EPHA4: variants seen among roughly 807,000 people sequenced by gnomAD.
EPHA4 encodes the protein ephrin type-A receptor 4.
Under a neutral mutation model 108.3 loss-of-function variants are expected in EPHA4, and 19 were observed. That is an observed-to-expected ratio of 0.18 (90% CI 0.12 to 0.26). EPHA4 has a LOEUF of 0.26. EPHA4 is among the 10% of genes least tolerant of loss of function. EPHA4 has a pLI of 1.00. For missense variants in EPHA4, 917 were observed against 1,254.0 expected (o/e 0.73, Z 4.06); for synonymous variants, 449 against 455.5 (o/e 0.99, Z 0.18).
intron 1 of EPHA4, among the ~76,000 whole-genome samples, chr2:221,570,912 T>G (rs893664303): frequency 1.3e-5 from 2 of 151,114 alleles, no homozygotes; most frequent in Non-Finnish European, 1.5e-5. Flanking sequence ...GATGGATAGA[T>G]AGACGGATGG....
intron 4 of EPHA4, among the ~76,000 whole-genome samples, chr2:221,500,270 TGAGG>T (rs940371579): frequency 2.0e-5 from 3 of 152,136 alleles, no homozygotes; most frequent in African/African-American, 7.2e-5. Flanking sequence ...ACCTGAGCCA[TGAGG>T]CTAGCCCTCC....
chr2:221,495,901 G>A (rs539706649), intron 4 of EPHA4, among the ~76,000 whole-genome samples: 4 of 152,224 alleles, frequency 2.6e-5, no homozygotes, highest in Admixed American at 6.5e-5. Flanking sequence ...CACAGTGAGC[G>A]ATCACTAAAT....
chr2:221,508,974 A>T (rs940879820), intron 3 of EPHA4, among the ~76,000 whole-genome samples: 18 of 152,124 alleles, frequency 1.2e-4, no homozygotes, highest in Admixed American at 1.0e-3. Flanking sequence ...TTTATTTGAT[A>T]CTCTTCTGTT....
At chr2:221,475,358 AT>A (rs1273885860) in intron 5 of EPHA4, among the ~76,000 whole-genome samples, 1 of 152,316 alleles carries the variant, frequency 6.6e-6, no homozygotes, top group Non-Finnish European at 1.5e-5. Flanking sequence ...TGAAATCCTA[AT>A]TATTTTAGTT....
chr2:221,438,132 A>G (rs1690303551), intron 11 of EPHA4, among the ~76,000 whole-genome samples: 1 of 152,178 alleles, frequency 6.6e-6, no homozygotes, highest in Non-Finnish European at 1.5e-5. Context: ...TGAGACAGGA[A>G]TTTAAATTCA....
At chr2:221,445,981 AG>A (rs1443355926) in intron 9 of EPHA4, 141 bp downstream of exon 9, 5 of 375,538 alleles carry the variant, frequency 1.3e-5, no homozygotes, top group African/African-American at 2.1e-5. Flanking sequence ...TTTGATACCT[AG>A]GAAGTACATT....
intron 3 of EPHA4, among the ~76,000 whole-genome samples, chr2:221,552,905 T>A (rs1694202366): frequency 6.6e-6 from 1 of 152,198 alleles, no homozygotes; most frequent in Non-Finnish European, 1.5e-5. Context: ...AAGGCTGATA[T>A]AATTAAACTG....
At chr2:221,507,944 A>G (rs1692682142) in intron 3 of EPHA4, among the ~76,000 whole-genome samples, 1 of 152,206 alleles carries the variant, frequency 6.6e-6, no homozygotes, top group African/African-American at 2.4e-5. Context: ...AATGACCTTA[A>G]CAAAGGACTT....
rs1047725477 is a variant in EPHA4, at chr2:221,572,000, C to G, written c.91+158G>C. 6.6e-6 allele frequency among the ~76,000 whole-genome samples: 1 copy of G among 152,158 alleles called. No individual in the cohort carries two copies. Among genetic ancestry groups the G allele is most frequent in the African/African-American group, 2.4e-5 (1 of 41,444 alleles). ...GCTGTCCGGCGGTTCCCCGCTGCCC[C>G]TTCGCCGATCCCCTCGCCTCAGCCC... On this transcript the variant is annotated intron_variant, in intron 1 of 17. Coordinates refer to ENST00000281821, the MANE Select transcript of EPHA4 (RefSeq NM_004438.5). The surrounding 1 kb of genome is among the most constrained non-coding windows in gnomAD (Gnocchi z 6.3).
chr2:221,544,560 A>C (rs998000790), intron 3 of EPHA4, among the ~76,000 whole-genome samples: 40 of 152,148 alleles, frequency 2.6e-4, no homozygotes. Flanking sequence ...TCCTGACCTC[A>C]GGTGATCCAC....
intron 11 of EPHA4, among the ~76,000 whole-genome samples, chr2:221,440,132 C>T (rs557544183): frequency 6.6e-6 from 1 of 152,116 alleles, no homozygotes; most frequent in Non-Finnish European, 1.5e-5. Context: ...TCCTTCCCTG[C>T]AGTAGGCAGG....
intron 3 of EPHA4, among the ~76,000 whole-genome samples, chr2:221,540,395 G>C (rs1256964129): frequency 2.0e-5 from 3 of 152,120 alleles, no homozygotes; most frequent in Admixed American, 2.0e-4. Flanking sequence ...CTCACAGAAG[G>C]AAACAGGATT....
intron 3 of EPHA4, among the ~76,000 whole-genome samples, chr2:221,542,146 A>G (rs959223320): frequency 1.3e-5 from 2 of 152,204 alleles, no homozygotes; most frequent in Non-Finnish European, 1.5e-5. Flanking sequence ...GGGAGAGGCA[A>G]AAGGACTAGG....
At chr2:221,536,791 C>A (rs1274397546) in intron 3 of EPHA4, among the ~76,000 whole-genome samples, 1 of 152,190 alleles carries the variant, frequency 6.6e-6, no homozygotes, top group Non-Finnish European at 1.5e-5. Context: ...CAGGTTGAAT[C>A]CAGACTCCTC....
chr2:221,443,532 C>T lies in EPHA4; in HGVS notation c.1849G>A (p.Asp617Asn), dbSNP rs1328946873. The change falls in exon 10 of 18, where the codon GAC becomes AAC. Residue 617 changes from aspartate to asparagine, a missense_variant. By Grantham distance (23) the Asp-to-Asn change is conservative (BLOSUM62 1). This residue lies in a region of EPHA4 where 758 missense variants were observed against 1,076.7 expected (regional missense o/e 0.70). Coordinates refer to ENST00000281821, the MANE Select transcript of EPHA4 (RefSeq NM_004438.5). ...TTTTCAATCTTAATGCAGGATGCGTCAATTTCTTTGGCAAACTCTCGCACT... is the reference window on the plus strand; with the variant it reads ...TTTTCAATCTTAATGCAGGATGCGTTAATTTCTTTGGCAAACTCTCGCACT... ...QAVREFAKEIDASCIKIEKVI... is the reference protein window; with the variant it reads ...QAVREFAKEINASCIKIEKVI... 2 of 1,613,784 alleles carry T rather than the reference C, an allele frequency of 1.2e-6. No individual in the cohort carries two copies. The highest frequency in any genetic ancestry group is 1.3e-5 in the African/African-American group (1 of 74,868).
At chr2:221,556,813 T>C (rs1031609880) in intron 3 of EPHA4, among the ~76,000 whole-genome samples, 2 of 152,170 alleles carry the variant, frequency 1.3e-5, no homozygotes, top group Non-Finnish European at 2.9e-5. Context: ...GTTATAATTG[T>C]TCTATTTTAT....
At chr2:221,499,492 A>G (rs1365377122) in intron 4 of EPHA4, among the ~76,000 whole-genome samples, 1 of 149,114 alleles carries the variant, frequency 6.7e-6, no homozygotes, top group Non-Finnish European at 1.5e-5. Context: ...ATCTCTCATT[A>G]TGAAAGAAAC....
chr2:221,470,494 T>C (rs1200886439), intron 5 of EPHA4, among the ~76,000 whole-genome samples: 3 of 151,818 alleles, frequency 2.0e-5, no homozygotes, highest in African/African-American at 7.3e-5. Context: ...ACAATATTCA[T>C]GACCCATAGA....
At chr2:221,521,984 T>TAAAA (rs1693179145) in intron 3 of EPHA4, among the ~76,000 whole-genome samples, 1 of 151,370 alleles carries the variant, frequency 6.6e-6, no homozygotes, top group African/African-American at 2.4e-5. Flanking sequence ...CTCAATAAAT[T>TAAAA]AAAAACAAAC....
Sources: allele counts gnomAD v4.1 joint callset (sites outside exome capture counted in the v4.1 genomes callset), GRCh38; gene constraint gnomAD v4.1.1; regional missense constraint gnomAD v4.1.1; non-coding constraint Gnocchi (gnomAD v3.1); transcripts MANE v1.5; gene names NCBI Gene and HGNC (gene_info 2026-07-23, HGNC 2026-07-21).